Variants in PPP2R2B observed in about 807,000 individuals in gnomAD.
The protein encoded by PPP2R2B is protein phosphatase 2 regulatory subunit Bbeta.
In PPP2R2B, 5 loss-of-function variants were observed where a neutral mutation model predicts 46.0. The observed-to-expected ratio is 0.11, with a 90% confidence interval of 0.06 to 0.23. The LOEUF (loss-of-function observed/expected upper bound fraction) is 0.23. Among genes scored for constraint, PPP2R2B ranks in the 10% least tolerant of loss-of-function variants. The probability of loss-of-function intolerance (pLI) is 1.00; values close to 1 mark genes in which losing one functional copy is unlikely to be tolerated. For synonymous variants in PPP2R2B, 215 were observed against 206.7 expected (o/e 1.04, Z -0.34); for missense variants, 367 against 575.0 (o/e 0.64, Z 3.70).
At chr5:146,600,558 T>C (rs1581684995) in intron 7 of PPP2R2B, 98 bp from the exon 8 acceptor site, 1 of 1,202,664 alleles carries the variant, frequency 8.3e-7, no homozygotes. Context: ...TAACTGAGAG[T>C]CTTAAGTAGG....
chr5:146,908,820 C>T (rs1763087301), intron 1 of PPP2R2B, among the ~76,000 whole-genome samples: 1 of 148,776 alleles, frequency 6.7e-6, no homozygotes, highest in African/African-American at 2.6e-5. Context: ...CCTTCCTTCC[C>T]ACCCAGGGTT....
At chr5:146,677,689 G>A (rs527996155) in intron 5 of PPP2R2B, among the ~76,000 whole-genome samples, 16 of 152,004 alleles carry the variant, frequency 1.1e-4, no homozygotes, top group African/African-American at 3.9e-4. Context: ...CACCATGCCT[G>A]GCTAACTATT....
At chr5:146,832,155 A>G (rs1042435058) in intron 2 of PPP2R2B, among the ~76,000 whole-genome samples, 6 of 152,230 alleles carry the variant, frequency 3.9e-5, no homozygotes, top group Non-Finnish European at 8.8e-5. Context: ...TAAAAAGTTT[A>G]TAAAGTAAAA....
chr5:146,985,020 T>TA (rs1330342971), intron 1 of PPP2R2B, among the ~76,000 whole-genome samples: 2 of 45,102 alleles, frequency 4.4e-5, no homozygotes, highest in African/African-American at 9.4e-5. Flanking sequence ...TCTTTTTCTT[T>TA]TTTTTTTTTT....
chr5:146,632,044 A>C (rs542430744), intron 7 of PPP2R2B, among the ~76,000 whole-genome samples: 24 of 148,580 alleles, frequency 1.6e-4, no homozygotes, highest in Middle Eastern at 3.4e-3. Flanking sequence ...CTTTCCTCCT[A>C]CTATGGGCTG....
At chr5:146,675,629 T>A (rs1325840252) in intron 5 of PPP2R2B, among the ~76,000 whole-genome samples, 6 of 152,202 alleles carry the variant, frequency 3.9e-5, no homozygotes. Flanking sequence ...ATTGTTAGAT[T>A]AGCAGTAAAT....
At chr5:146,873,966 A>G (rs1158837093) in intron 2 of PPP2R2B, among the ~76,000 whole-genome samples, 1 of 152,018 alleles carries the variant, frequency 6.6e-6, no homozygotes, top group Non-Finnish European at 1.5e-5. Context: ...AGGCTATTTT[A>G]TCTCTCTGGG....
chr5:146,811,557 ATTTTTTT>A (rs1178978309), intron 2 of PPP2R2B, among the ~76,000 whole-genome samples: 5 of 95,744 alleles, frequency 5.2e-5, no homozygotes, highest in African/African-American at 2.0e-4. Context: ...TCAACTATGT[ATTTTTTT>A]TTTTTTTTTT....
intron 1 of PPP2R2B, among the ~76,000 whole-genome samples, chr5:146,971,596 T>C (rs1752664219): frequency 6.6e-6 from 1 of 152,202 alleles, no homozygotes; most frequent in Non-Finnish European, 1.5e-5. Context: ...AGTATACCTA[T>C]TAAATTTCTT....
chr5:146,881,002 GA>G (rs1477403675), upstream of PPP2R2B, among the ~76,000 whole-genome samples: 2 of 151,908 alleles, frequency 1.3e-5, no homozygotes, highest in African/African-American at 4.8e-5. Context: ...ATAACACAAC[GA>G]CCTGTGGTGG....
At chr5:147,058,240 G>C (rs1757151286), upstream of PPP2R2B, among the ~76,000 whole-genome samples, 3 of 152,138 alleles carry the variant, frequency 2.0e-5, no homozygotes, top group Admixed American at 6.5e-5. Flanking sequence ...GGACGTGAAG[G>C]TCCTTTACAG....
At chr5:146,978,637 C>T (rs545037726) in intron 1 of PPP2R2B, among the ~76,000 whole-genome samples, 1 of 152,238 alleles carries the variant, frequency 6.6e-6, no homozygotes, top group South Asian at 2.1e-4. Flanking sequence ...ATCCTTTCCC[C>T]ATTTCTTGTT....
At chr5:146,919,981 T>A (rs887170604) in intron 1 of PPP2R2B, 5 of 152,294 alleles carry the variant, frequency 3.3e-5, no homozygotes, top group Admixed American at 1.3e-4. Flanking sequence ...TTACTTAATA[T>A]CTTAATCATG....
intron 1 of PPP2R2B, among the ~76,000 whole-genome samples, chr5:147,009,570 G>T (rs1474286679): frequency 1.3e-5 from 2 of 152,064 alleles, no homozygotes; most frequent in Non-Finnish European, 1.5e-5. Context: ...GCTGGCAGAG[G>T]TATCTACATC....
At chr5:146,742,870 G>A (rs1157434440) in intron 2 of PPP2R2B, among the ~76,000 whole-genome samples, 1 of 152,130 alleles carries the variant, frequency 6.6e-6, no homozygotes, top group Non-Finnish European at 1.5e-5. Context: ...ACATGAAGGC[G>A]ATGAAGGCGA....
At chr5:146,710,658 A>C (rs1336155583) in intron 2 of PPP2R2B, among the ~76,000 whole-genome samples, 1 of 152,254 alleles carries the variant, frequency 6.6e-6, no homozygotes, top group African/African-American at 2.4e-5. Flanking sequence ...CCAATTTTTC[A>C]AAAAGCAGAG....
chr5:147,025,968 G>T (rs1304292857), intron 1 of PPP2R2B, among the ~76,000 whole-genome samples: 3 of 152,020 alleles, frequency 2.0e-5, no homozygotes, highest in Non-Finnish European at 2.9e-5. Flanking sequence ...AAAATAAAAA[G>T]ACTTTCTCTA....
At chr5:146,634,975 G>A (rs1447156184) in intron 7 of PPP2R2B, among the ~76,000 whole-genome samples, 3 of 152,128 alleles carry the variant, frequency 2.0e-5, no homozygotes, top group African/African-American at 7.2e-5. Context: ...AAGAGGGTTG[G>A]GGTTTCGAAC....
rs143829676 is a variant in PPP2R2B at position 146,884,357 on chromosome 5, C to T, written c.79+171308G>A. On this transcript the variant is annotated intron_variant, in intron 1 of 8. Transcript: ENST00000336640. ...ATATCCATCAGAGGAAAATTGATGTCGTTGTCTGATCCTTTCCAGGTTGGT... is the reference window on the plus strand; with the variant it reads ...ATATCCATCAGAGGAAAATTGATGTTGTTGTCTGATCCTTTCCAGGTTGGT... Among the ~76,000 whole-genome samples the T allele has an allele frequency of 3.9e-3, 590 of 152,150 alleles. 4 individuals are homozygous for T. The highest frequency in any genetic ancestry group is 0.014 in the African/African-American group (567 of 41,488).
Sources: gnomAD v4.1 joint callset for allele counts (sites outside exome capture counted in the v4.1 genomes callset) on GRCh38, gnomAD v4.1.1 for gene constraint, MANE v1.5 for transcripts, NCBI Gene and HGNC (gene_info 2026-07-23, HGNC 2026-07-21) for gene names.